Variants in XXYLT1 observed in about 807,000 individuals in gnomAD.
The protein encoded by XXYLT1 is xyloside xylosyltransferase 1.
Under a neutral mutation model 28.9 loss-of-function variants are expected in XXYLT1, and 20 were observed. That is an observed-to-expected ratio of 0.69 (90% CI 0.49 to 1.00). The LOEUF is 1.00. Among genes scored for constraint, XXYLT1 ranks in the 50% least tolerant of loss-of-function variants. The probability of loss-of-function intolerance (pLI) is 0.00; values close to 1 mark genes in which losing one functional copy is unlikely to be tolerated. For synonymous variants in XXYLT1, 257 were observed against 253.8 expected (o/e 1.01, Z -0.12); for missense variants, 542 against 560.1 (o/e 0.97, Z 0.33).
rs143475361 is a variant in XXYLT1 at position 195,200,603 on chromosome 3, A to G, written c.652+26106T>C. 6.0e-3 allele frequency among the ~76,000 whole-genome samples: 908 copies of G among 152,288 alleles called. 8 individuals are homozygous for G. Among genetic ancestry groups the G allele is most frequent in the Non-Finnish European group, 7.4e-3 (505 of 68,028 alleles). ...GGCGACCAGGGTTCACTGACCTACAATCGGTTGACTCACATGAACACCCTC... is the reference window on the plus strand; with the variant it reads ...GGCGACCAGGGTTCACTGACCTACAGTCGGTTGACTCACATGAACACCCTC... On this transcript the variant is annotated intron_variant, in intron 2 of 3. Transcript: ENST00000310380.
At chr3:195,207,115 C>T (rs966486316) in intron 2 of XXYLT1, among the ~76,000 whole-genome samples, 4 of 152,206 alleles carry the variant, frequency 2.6e-5, no homozygotes, top group Admixed American at 2.0e-4. Context: ...GGAAGAGCCA[C>T]GAGGGCAGGT....
intron 2 of XXYLT1, among the ~76,000 whole-genome samples, chr3:195,188,922 A>G (rs902825149): frequency 1.3e-5 from 2 of 152,228 alleles, no homozygotes; most frequent in African/African-American, 4.8e-5. Flanking sequence ...CTATGGGTTT[A>G]AGCTCGGCGC....
At chr3:195,101,932 G>A (rs1202928579) in intron 3 of XXYLT1, among the ~76,000 whole-genome samples, 1 of 129,082 alleles carries the variant, frequency 7.7e-6, no homozygotes, top group African/African-American at 2.9e-5. Flanking sequence ...GAAATGTAAG[G>A]AGGAAGGGAA....
At chr3:195,079,262 G>T (rs1715295384) in intron 3 of XXYLT1, among the ~76,000 whole-genome samples, 1 of 152,204 alleles carries the variant, frequency 6.6e-6, no homozygotes, top group South Asian at 2.1e-4. Context: ...GCCCTGGGGA[G>T]CGTATGAACA....
chr3:195,233,062 G>C (rs1015776460), intron 1 of XXYLT1, among the ~76,000 whole-genome samples: 1 of 152,146 alleles, frequency 6.6e-6, no homozygotes, highest in Non-Finnish European at 1.5e-5. Context: ...GAGTGCACTA[G>C]TGTTGGATGC....
rs1390888812 is a variant in XXYLT1 at position 195,069,597 on chromosome 3, T to C, written c.*118A>G. ...CCGGCAGGAGGTCTCAGCACCTTAA[T>C]CACAGGACTTCCCTGCGGTGTCTCT... On this transcript the variant is annotated 3_prime_UTR_variant, in exon 4 of 4. Coordinates refer to ENST00000310380, the MANE Select transcript of XXYLT1 (RefSeq NM_152531.5). The C allele has an allele frequency of 7.0e-7, 1 of 1,423,764 alleles. No homozygotes were observed. The highest frequency in any genetic ancestry group is 9.4e-7 in the Non-Finnish European group (1 of 1,064,012). 88.2% of individuals were successfully genotyped at this position (1,423,764 alleles called of 1,614,324 possible).
chr3:195,220,709 C>T (rs765355541), intron 2 of XXYLT1, among the ~76,000 whole-genome samples: 9 of 152,192 alleles, frequency 5.9e-5, no homozygotes, highest in African/African-American at 1.9e-4. Flanking sequence ...TGGAGCCTAT[C>T]GCATGAAATG....
chr3:195,079,033 T>A (rs1410089281), intron 3 of XXYLT1, among the ~76,000 whole-genome samples: 1 of 152,172 alleles, frequency 6.6e-6, no homozygotes, highest in Admixed American at 6.5e-5. Flanking sequence ...CAGAACCTGC[T>A]CATCAGACCC....
intron 3 of XXYLT1, among the ~76,000 whole-genome samples, chr3:195,116,907 C>A (rs767079065): frequency 6.6e-6 from 1 of 152,072 alleles, no homozygotes; most frequent in Non-Finnish European, 1.5e-5. Context: ...CAATAATGCT[C>A]AGGCACACCA....
intron 3 of XXYLT1, among the ~76,000 whole-genome samples, chr3:195,107,226 C>A (rs959007733): frequency 2.0e-5 from 3 of 151,936 alleles, no homozygotes; most frequent in South Asian, 2.1e-4. Context: ...GGAATCCCAG[C>A]ACTTTTGGAG....
chr3:195,106,898 AC>A (rs1297562266), intron 3 of XXYLT1, among the ~76,000 whole-genome samples: 1 of 3,156 alleles, frequency 3.2e-4, no homozygotes, highest in Non-Finnish European at 4.9e-4. Flanking sequence ...GGTGGGGGTG[AC>A]GGGGGGAGGA....
At position 195,069,984 on chromosome 3, in the gene XXYLT1, GC is replaced by G. The variant is rs1560077571; in HGVS notation, c.912del (p.Leu305SerfsTer32). ...GCCGGCTCCAGCAGGCGGCTGTAGA[GC>G]GGGGACTGGCGCATGGCCTCCAGGT... Reference protein sequence around the residue: ...LLNLEAMRQSPLYSRLLEPAQ... With the variant: ...LLNLEAMRQSXLYSRLLEPAQ... On this transcript the variant is annotated frameshift_variant, in exon 4 of 4. Coordinates refer to ENST00000310380, the MANE Select transcript of XXYLT1 (RefSeq NM_152531.5). LOFTEE classifies it high-confidence loss of function. The G allele has an allele frequency of 2.5e-6, 4 of 1,609,126 alleles. No individual in the cohort carries two copies. Among genetic ancestry groups the G allele is most frequent in the Non-Finnish European group, 2.5e-6 (3 of 1,179,840 alleles).
chr3:195,141,226 C>A (rs1015320905), intron 3 of XXYLT1, among the ~76,000 whole-genome samples: 1 of 152,174 alleles, frequency 6.6e-6, no homozygotes, highest in South Asian at 2.1e-4. Flanking sequence ...AGTCAGGGCA[C>A]TTTTACTCTT....
chr3:195,113,930 T>G (rs1245878259), intron 3 of XXYLT1, among the ~76,000 whole-genome samples: 1 of 152,062 alleles, frequency 6.6e-6, no homozygotes, highest in East Asian at 1.9e-4. Flanking sequence ...AAGGTAGAGA[T>G]GGGTGAAGAG....
At chr3:195,263,346 C>T (rs1725748478) in intron 1 of XXYLT1, among the ~76,000 whole-genome samples, 1 of 152,166 alleles carries the variant, frequency 6.6e-6, no homozygotes, top group African/African-American at 2.4e-5. Context: ...CCCTGGAATT[C>T]ATGTGTTGGA....
intron 2 of XXYLT1, among the ~76,000 whole-genome samples, chr3:195,174,960 A>G (rs545521145): frequency 2.0e-5 from 3 of 152,148 alleles, no homozygotes; most frequent in South Asian, 2.1e-4. Flanking sequence ...GGCCTCTCTC[A>G]TAAGACTGTA....
chr3:195,249,241 C>T (rs1011540965), intron 1 of XXYLT1, among the ~76,000 whole-genome samples: 3 of 152,206 alleles, frequency 2.0e-5, no homozygotes, highest in African/African-American at 7.2e-5. Context: ...CCTAATGTCT[C>T]ATCTAAAGCC....
intron 3 of XXYLT1, among the ~76,000 whole-genome samples, chr3:195,151,536 ATAAAAAAAT>A (rs1720251818): frequency 6.6e-6 from 1 of 152,192 alleles, no homozygotes; most frequent in African/African-American, 2.4e-5. Context: ...TCTTTAAAAA[ATAAAAAAAT>A]TAAAAAAATT....
chr3:195,111,835 CAACTT>C (rs1414218775), intron 3 of XXYLT1, among the ~76,000 whole-genome samples: 6 of 152,150 alleles, frequency 3.9e-5, no homozygotes, highest in Admixed American at 6.5e-5. Flanking sequence ...AATAGGAACT[CAACTT>C]AAAGATTTAA....
Sources: allele counts gnomAD v4.1 joint callset (sites outside exome capture counted in the v4.1 genomes callset), GRCh38; gene constraint gnomAD v4.1.1; transcripts MANE v1.5; gene names NCBI Gene and HGNC (gene_info 2026-07-23, HGNC 2026-07-21).